CAMTA1: variants seen among roughly 807,000 people sequenced by gnomAD.
CAMTA1 encodes the protein calmodulin binding transcription activator 1, also known as calmodulin-binding transcription activator 1.
CAMTA1 carries 27 observed loss-of-function variants against 170.9 expected under a neutral mutation model. That is an observed-to-expected ratio of 0.16 (90% confidence interval 0.12 to 0.22). CAMTA1 has a LOEUF of 0.22. CAMTA1 is among the 10% of genes least tolerant of loss of function. The probability of loss-of-function intolerance (pLI) is 1.00; values close to 1 mark genes in which losing one functional copy is unlikely to be tolerated. For missense variants in CAMTA1, 1,619 were observed against 2,217.2 expected, an observed-to-expected ratio of 0.73 and a Z score of 5.42; for synonymous variants, 833 against 891.5, an observed-to-expected ratio of 0.93 and a Z score of 1.17.
At chr1:7,328,355 G>C (rs533550511) in intron 5 of CAMTA1, among the ~76,000 whole-genome samples, 2 of 60,362 alleles carry the variant, frequency 3.3e-5, no homozygotes, top group South Asian at 9.7e-4. Flanking sequence ...TTTTGCTCCT[G>C]TAGTGGTTAT....
intron 5 of CAMTA1, among the ~76,000 whole-genome samples, chr1:7,356,451 T>G (rs1297822943): frequency 6.6e-6 from 1 of 152,246 alleles, no homozygotes; most frequent in Non-Finnish European, 1.5e-5. Flanking sequence ...GAGTGAGACC[T>G]GCTTTTTGAA....
intron 10 of CAMTA1, among the ~76,000 whole-genome samples, chr1:7,675,642 G>A (rs1006594494): frequency 5.9e-5 from 9 of 152,106 alleles, no homozygotes; most frequent in African/African-American, 1.7e-4. Flanking sequence ...CAGCAGGAGC[G>A]GGTCTCAGGT....
intron 4 of CAMTA1, among the ~76,000 whole-genome samples, chr1:7,211,401 C>T (rs1658729865): frequency 6.6e-6 from 1 of 152,200 alleles, no homozygotes; most frequent in Non-Finnish European, 1.5e-5. Flanking sequence ...CTAACCAGTT[C>T]TTTCTCCATC....
Position 6,825,099 on chromosome 1 carries a change from T to C in CAMTA1, c.123T>C (p.His41=), listed in dbSNP as rs1646960238. ...LNTVPPIEDD[H]GNSNSSHVKI... Reference sequence around the variant, plus strand: ...TTGTTTTCTTCTTTGTAGATGATCATGGGAACAGCAATAGTAGTCATGTAA... The same window carrying C: ...TTGTTTTCTTCTTTGTAGATGATCACGGGAACAGCAATAGTAGTCATGTAA... Residue 41 remains histidine, a synonymous_variant, in exon 3 of 23, where the codon CAT becomes CAC. Transcript: ENST00000303635. 3.2e-6 allele frequency: 5 copies of C among 1,559,458 alleles called. No homozygotes were observed. The highest frequency in any genetic ancestry group is 3.5e-6 in the Non-Finnish European group (4 of 1,140,828).
At position 7,067,270 on chromosome 1, in the gene CAMTA1, G is replaced by T. The variant is rs971615616; in HGVS notation, c.235-24034G>T. On this transcript the variant is annotated intron_variant, in intron 3 of 22. Coordinates refer to ENST00000303635, the MANE Select transcript of CAMTA1 (RefSeq NM_015215.4). This position sits in a 1 kb window ranked among gnomAD's most constrained non-coding sequence, Gnocchi z 4.3. ...CGAAGGCCTCTCCCGGGGCTGGGAA[G>T]TTCCTGTCCCTTGTACTCAGGGTCT... is the stretch of plus-strand genomic sequence containing the variant. Among the ~76,000 whole-genome samples the T allele has an allele frequency of 1.3e-5, 2 of 152,214 alleles. No individual in the cohort carries two copies. Among genetic ancestry groups the T allele is most frequent in the Admixed American group, 1.3e-4 (2 of 15,284 alleles).
In CAMTA1 at chr1:7,642,540, G is replaced by A. The variant is rs1248974201; in HGVS notation, c.664+1987G>A. Reference sequence around the variant, plus strand: ...GGGGGCACCTCACTATGCAGGGCTGGCACCGGACACTGGGTCCTGCCTAGA... The same window carrying A: ...GGGGGCACCTCACTATGCAGGGCTGACACCGGACACTGGGTCCTGCCTAGA... On this transcript the variant is annotated intron_variant, in intron 7 of 22. Coordinates refer to ENST00000303635, the MANE Select transcript of CAMTA1 (RefSeq NM_015215.4). This position sits in a 1 kb window ranked among gnomAD's most constrained non-coding sequence, Gnocchi z 6.3. Among the ~76,000 whole-genome samples the A allele has an allele frequency of 1.3e-5, 2 of 152,288 alleles. No homozygotes were observed. Among genetic ancestry groups the A allele is most frequent in the East Asian group, 3.9e-4 (2 of 5,176 alleles).
intron 5 of CAMTA1, among the ~76,000 whole-genome samples, chr1:7,462,938 C>T (rs927522473): frequency 6.6e-6 from 1 of 152,228 alleles, no homozygotes; most frequent in Non-Finnish European, 1.5e-5. Context: ...ATGAGTGTTC[C>T]CAGCGTCTGC....
intron 5 of CAMTA1, among the ~76,000 whole-genome samples, chr1:7,253,732 GTCTGC>G (rs1666955368): frequency 6.6e-6 from 1 of 152,146 alleles, no homozygotes; most frequent in African/African-American, 2.4e-5. Flanking sequence ...TTGAGCCTGG[GTCTGC>G]TTGGTTCTAA....
At chr1:7,727,124 T>C (rs1035117376) in intron 11 of CAMTA1, among the ~76,000 whole-genome samples, 9 of 149,032 alleles carry the variant, frequency 6.0e-5, no homozygotes, top group Non-Finnish European at 1.2e-4. Context: ...TGTATTAATT[T>C]TTTTTTTTTT....
chr1:7,625,757 C>T (rs561628562), intron 6 of CAMTA1, among the ~76,000 whole-genome samples: 2 of 152,324 alleles, frequency 1.3e-5, no homozygotes, highest in African/African-American at 4.8e-5. Context: ...TGTCGAGCCC[C>T]ACTGGTCTGG....
chr1:6,967,434 G>A (rs1013810221), intron 3 of CAMTA1, among the ~76,000 whole-genome samples: 3 of 152,080 alleles, frequency 2.0e-5, no homozygotes, highest in Non-Finnish European at 4.4e-5. Context: ...CTCCCCACCC[G>A]CGAATGTGGC....
At chr1:6,868,247 A>G (rs1284272610) in intron 3 of CAMTA1, among the ~76,000 whole-genome samples, 1 of 151,468 alleles carries the variant, frequency 6.6e-6, no homozygotes, top group African/African-American at 2.4e-5. Flanking sequence ...AGGCGGAGGC[A>G]GCAGTGAGCC....
At chr1:6,950,463 C>T (rs1688286148) in intron 3 of CAMTA1, among the ~76,000 whole-genome samples, 1 of 152,134 alleles carries the variant, frequency 6.6e-6, no homozygotes, top group Non-Finnish European at 1.5e-5. Flanking sequence ...AAACTCATAT[C>T]AGAATAGACT....
At chr1:6,936,524 C>A (rs1685331585) in intron 3 of CAMTA1, among the ~76,000 whole-genome samples, 1 of 152,038 alleles carries the variant, frequency 6.6e-6, no homozygotes, top group African/African-American at 2.4e-5. Context: ...GAGAGGGAGG[C>A]TCATTTCTCC....
intron 6 of CAMTA1, among the ~76,000 whole-genome samples, chr1:7,619,678 C>T (rs1441759472): frequency 2.0e-5 from 3 of 149,698 alleles, no homozygotes; most frequent in Non-Finnish European, 3.0e-5. Context: ...GAGATGGAGT[C>T]TCACTCTGTC....
chr1:7,023,991 G>A (rs1465071596), intron 3 of CAMTA1, among the ~76,000 whole-genome samples: 3 of 148,506 alleles, frequency 2.0e-5, no homozygotes, highest in South Asian at 2.1e-4. Flanking sequence ...ATTGCGCCAC[G>A]GCACTGCAGC....
chr1:6,884,289 G>GAC (rs1320065318), intron 3 of CAMTA1, among the ~76,000 whole-genome samples: 6 of 84,180 alleles, frequency 7.1e-5, no homozygotes, highest in Admixed American at 1.7e-4. Flanking sequence ...TTATTCTCTA[G>GAC]AGACACACAC....
intron 5 of CAMTA1, among the ~76,000 whole-genome samples, chr1:7,320,225 C>T (rs557189662): frequency 8.5e-5 from 13 of 152,310 alleles, no homozygotes; most frequent in South Asian, 8.3e-4. Context: ...CCTTTAATTA[C>T]GATACTTGCT....
At chr1:6,848,831 G>T (rs921002340) in intron 3 of CAMTA1, among the ~76,000 whole-genome samples, 2 of 152,208 alleles carry the variant, frequency 1.3e-5, no homozygotes, top group Non-Finnish European at 2.9e-5. Flanking sequence ...AGAATTTGGG[G>T]TTTATGCACC....
Sources: gnomAD v4.1 joint callset for allele counts (sites outside exome capture counted in the v4.1 genomes callset) on GRCh38, gnomAD v4.1.1 for gene constraint, Gnocchi (gnomAD v3.1) non-coding constraint, MANE v1.5 for transcripts, NCBI Gene and HGNC (gene_info 2026-07-23, HGNC 2026-07-21) for gene names.